The following FBXO4 variants were observed in gnomAD, a reference collection of about 807,000 sequenced individuals.
FBXO4 encodes F-box protein 4.
Under a neutral mutation model 43.7 loss-of-function variants are expected in FBXO4, and 36 were observed. The ratio of observed to expected loss-of-function variants is 0.82; its 90% CI spans 0.63 to 1.09. The LOEUF (loss-of-function observed/expected upper bound fraction) is 1.09, where lower values mean the gene tolerates loss of function less well. FBXO4 is among the 50% of genes least tolerant of loss of function. The probability of loss-of-function intolerance (pLI) is 0.00; values close to 1 mark genes in which losing one functional copy is unlikely to be tolerated. For synonymous variants in FBXO4, 180 were observed against 165.6 expected (o/e 1.09, Z -0.67); for missense variants, 435 against 474.1 (o/e 0.92, Z 0.77).
the FBXO4 span, among the ~76,000 whole-genome samples, chr5:41,952,414 T>C: frequency 6.6e-6 from 1 of 152,244 alleles, no homozygotes; most frequent in African/African-American, 2.4e-5. Context: ...CTAATTTATA[T>C]AATATATTGG....
chr5:42,016,054 A>G, the FBXO4 span, among the ~76,000 whole-genome samples: 2 of 152,166 alleles, frequency 1.3e-5, no homozygotes, highest in Non-Finnish European at 2.9e-5. Context: ...ACGGACATTA[A>G]CATTGGGAAG....
intron 5 of FBXO4, among the ~76,000 whole-genome samples, chr5:41,936,797 AGT>A (rs1751861063): frequency 2.0e-5 from 3 of 152,174 alleles, no homozygotes; most frequent in African/African-American, 7.2e-5. Context: ...CAAGGAACAG[AGT>A]GAGAGTTGGG....
the FBXO4 span, among the ~76,000 whole-genome samples, chr5:41,987,568 G>A: frequency 6.6e-6 from 1 of 152,144 alleles, no homozygotes; most frequent in East Asian, 1.9e-4. Context: ...ACATTTTCCT[G>A]AAATTTACAC....
the FBXO4 span, among the ~76,000 whole-genome samples, chr5:41,979,362 C>T: frequency 8.3e-4 from 126 of 152,172 alleles, no homozygotes; most frequent in Non-Finnish European, 1.6e-3. Flanking sequence ...CTTATTTCTA[C>T]CCAGTGTTAA....
chr5:41,991,801 G>A, the FBXO4 span, among the ~76,000 whole-genome samples: 6 of 152,036 alleles, frequency 3.9e-5, no homozygotes, highest in East Asian at 1.9e-4. Context: ...CCTTCCGGCC[G>A]GGCACAGTGG....
At position 41,925,353 on chromosome 5, in the gene FBXO4, C is replaced by T. The variant is rs1751444545; in HGVS notation, c.44C>T (p.Pro15Leu). 7.3e-7 allele frequency: 1 copy of T among 1,368,986 alleles called. No homozygotes were observed. The highest frequency in any genetic ancestry group is 9.5e-7 in the Non-Finnish European group (1 of 1,056,880). 84.8% of individuals were successfully genotyped at this position (1,368,986 alleles called of 1,614,324 possible). A position where few individuals can be genotyped will look rare whatever the true frequency, so the allele number is the denominator to read the frequency against. The part of the protein sequence containing the change: ...EPRSGTNSPP[P>L]PFSDWGRLEA... ...CGCAGCGGAACAAACTCGCCGCCGC[C>T]GCCCTTCAGCGACTGGGGCCGCCTG... The change falls in exon 1 of 7, where the codon CCG becomes CTG. Residue 15 changes from proline (P) to leucine (L), a missense_variant. Coordinates refer to ENST00000281623, the MANE Select transcript of FBXO4 (RefSeq NM_012176.3).
At chr5:42,034,205 G>A in the FBXO4 span, among the ~76,000 whole-genome samples, 1 of 151,992 alleles carries the variant, frequency 6.6e-6, no homozygotes, top group Non-Finnish European at 1.5e-5. Context: ...GCTTTGTGAT[G>A]GGTTTGTTTG....
At chr5:42,033,723 G>GGAGAT in the FBXO4 span, among the ~76,000 whole-genome samples, 1 of 152,112 alleles carries the variant, frequency 6.6e-6, no homozygotes, top group Non-Finnish European at 1.5e-5. Flanking sequence ...TTCTTTTTAT[G>GGAGAT]GCTGCATAGC....
At chr5:41,958,444 G>T in the FBXO4 span, among the ~76,000 whole-genome samples, 2 of 152,044 alleles carry the variant, frequency 1.3e-5, no homozygotes, top group Non-Finnish European at 2.9e-5. Flanking sequence ...CAATTTTTAG[G>T]TATACAATAA....
At chr5:41,998,134 G>A in the FBXO4 span, among the ~76,000 whole-genome samples, 1 of 152,120 alleles carries the variant, frequency 6.6e-6, no homozygotes, top group Admixed American at 6.6e-5. Flanking sequence ...CTTTGCCTCT[G>A]GTGTCCATTA....
chr5:42,025,735 AG>A, the FBXO4 span, among the ~76,000 whole-genome samples: 1 of 151,848 alleles, frequency 6.6e-6, no homozygotes, highest in South Asian at 2.1e-4. Flanking sequence ...GAGAGAGAGG[AG>A]TCTAGTTACA....
the FBXO4 span, among the ~76,000 whole-genome samples, chr5:41,984,354 T>A: frequency 6.6e-6 from 1 of 152,166 alleles, no homozygotes; most frequent in Non-Finnish European, 1.5e-5. Flanking sequence ...ATAATTCACC[T>A]CCACTTCTTT....
the FBXO4 span, among the ~76,000 whole-genome samples, chr5:42,002,174 A>C: frequency 1.1e-4 from 17 of 152,154 alleles, no homozygotes; most frequent in African/African-American, 4.1e-4. Flanking sequence ...CAGGCCACCC[A>C]AAGTACTGGT....
chr5:41,992,489 G>C, the FBXO4 span, among the ~76,000 whole-genome samples: 26 of 152,300 alleles, frequency 1.7e-4, no homozygotes, highest in South Asian at 4.6e-3. Flanking sequence ...AGAAGAAGAA[G>C]AGTGGGGTCC....
chr5:41,945,102 CA>C (rs1752057855), downstream of FBXO4, among the ~76,000 whole-genome samples: 1 of 152,138 alleles, frequency 6.6e-6, no homozygotes, highest in African/African-American at 2.4e-5. Context: ...CACAAAGCTA[CA>C]GCTAAAAAGA....
chr5:41,938,888 C>G (rs945836455), intron 5 of FBXO4, among the ~76,000 whole-genome samples: 2 of 152,194 alleles, frequency 1.3e-5, no homozygotes, highest in African/African-American at 4.8e-5. Flanking sequence ...TGGAGAATCT[C>G]CCTGCATTGA....
the FBXO4 span, among the ~76,000 whole-genome samples, chr5:42,013,328 A>G: frequency 6.6e-6 from 1 of 152,174 alleles, no homozygotes; most frequent in African/African-American, 2.4e-5. Context: ...CATTCAAATT[A>G]AAAAGAGGAT....
the FBXO4 span, among the ~76,000 whole-genome samples, chr5:41,998,442 G>T: frequency 6.6e-6 from 1 of 152,260 alleles, no homozygotes; most frequent in East Asian, 1.9e-4. Flanking sequence ...CTAAGCCTTA[G>T]GATCCCTTCC....
chr5:42,029,664 C>A, the FBXO4 span, among the ~76,000 whole-genome samples: 7 of 151,708 alleles, frequency 4.6e-5, no homozygotes, highest in Non-Finnish European at 1.0e-4. Context: ...TATCTCCTCT[C>A]ACCATGTATT....
Sources: allele counts gnomAD v4.1 joint callset (sites outside exome capture counted in the v4.1 genomes callset), GRCh38; gene constraint gnomAD v4.1.1; transcripts MANE v1.5; gene names NCBI Gene and HGNC (gene_info 2026-07-23, HGNC 2026-07-21).